WDFY3: variants seen among roughly 807,000 people sequenced by gnomAD.
The protein encoded by WDFY3 is WD repeat and FYVE domain-containing protein 3.
In WDFY3, 66 loss-of-function variants were observed where a neutral mutation model predicts 409.6. The ratio of observed to expected loss-of-function variants is 0.16; its 90% confidence interval spans 0.13 to 0.20. The LOEUF (loss-of-function observed/expected upper bound fraction) is 0.20. WDFY3 is among the 10% of genes least tolerant of loss of function. WDFY3 has a pLI of 1.00. For missense variants in WDFY3, 3,031 were observed against 4,298.1 expected, an observed-to-expected ratio of 0.71 and a Z score of 8.24; for synonymous variants, 1,521 against 1,537.1, an observed-to-expected ratio of 0.99 and a Z score of 0.25.
At position 84,717,828 on chromosome 4, in the gene WDFY3, C is replaced by T. The variant is rs570675055; in HGVS notation, c.7754+594G>A. Among the ~76,000 whole-genome samples, 22 of 152,126 alleles carry T rather than the reference C, an allele frequency of 1.4e-4. No individual in the cohort carries two copies. The East Asian group carries it at 3.7e-3, about 25-fold the overall frequency. ...CTTTGGGAGGCCGAGGCGGGCGGAT[C>T]ACAAGGTCAGGAGATTGAGACCATC... On this transcript the variant is annotated intron_variant, in intron 48 of 67. Coordinates refer to ENST00000295888, the MANE Select transcript of WDFY3 (RefSeq NM_014991.6).
chr4:84,855,541 TTA>T (rs1759642985), intron 4 of WDFY3, among the ~76,000 whole-genome samples: 1 of 152,180 alleles, frequency 6.6e-6, no homozygotes, highest in Non-Finnish European at 1.5e-5. Flanking sequence ...TATAAACTTG[TTA>T]CTGAATAGTG....
At chr4:84,893,000 C>A (rs1443358951) in intron 3 of WDFY3, among the ~76,000 whole-genome samples, 3 of 152,098 alleles carry the variant, frequency 2.0e-5, no homozygotes, top group African/African-American at 4.8e-5. Flanking sequence ...CAAGTAAAAC[C>A]AAATGGCTTG....
At chr4:84,936,059 A>G (rs1376890038) in intron 1 of WDFY3, among the ~76,000 whole-genome samples, 3 of 152,322 alleles carry the variant, frequency 2.0e-5, no homozygotes, top group East Asian at 1.9e-4. Flanking sequence ...GTATATGCAC[A>G]TATGTATAAA....
At chr4:84,875,975 A>T (rs1762729447) in intron 3 of WDFY3, among the ~76,000 whole-genome samples, 1 of 152,246 alleles carries the variant, frequency 6.6e-6, no homozygotes, top group Non-Finnish European at 1.5e-5. Context: ...TAAAATAAAG[A>T]TTAAAAGTAT....
At chr4:84,726,969 A>G (rs1397568242) in intron 44 of WDFY3, 58 bp from the exon 45 acceptor site, 3 of 1,494,620 alleles carry the variant, frequency 2.0e-6, no homozygotes. Context: ...AGAGGAACAC[A>G]AAAATAAAAT....
chr4:84,959,427 T>C (rs1456023822), intron 1 of WDFY3, among the ~76,000 whole-genome samples: 1 of 152,154 alleles, frequency 6.6e-6, no homozygotes, highest in Non-Finnish European at 1.5e-5. Flanking sequence ...AAGTAGAATA[T>C]TTAAAAGACC....
chr4:84,867,129 T>G (rs1052331147), intron 3 of WDFY3, among the ~76,000 whole-genome samples: 5 of 152,198 alleles, frequency 3.3e-5, no homozygotes, highest in African/African-American at 9.6e-5. Flanking sequence ...TTCTGTAACA[T>G]GCCAAGCACA....
intron 2 of WDFY3, among the ~76,000 whole-genome samples, chr4:84,931,862 T>C (rs980493595): frequency 1.3e-5 from 2 of 152,126 alleles, no homozygotes; most frequent in Non-Finnish European, 2.9e-5. Flanking sequence ...AGTTTAATCC[T>C]TAAACTAGTC....
intron 17 of WDFY3, among the ~76,000 whole-genome samples, chr4:84,798,463 T>C (rs1490669917): frequency 6.6e-6 from 1 of 152,194 alleles, no homozygotes; most frequent in Non-Finnish European, 1.5e-5. Flanking sequence ...CTAATCACCA[T>C]ATAGCTATAT....
At chr4:84,850,296 C>T (rs1758707756) in intron 4 of WDFY3, among the ~76,000 whole-genome samples, 1 of 151,036 alleles carries the variant, frequency 6.6e-6, no homozygotes, top group Non-Finnish European at 1.5e-5. Flanking sequence ...ATCAATCTCA[C>T]GAAAAACATT....
chr4:84,751,469 T>C lies in WDFY3; in HGVS notation c.5973+14A>G. On this transcript the variant is annotated intron_variant, in intron 36 of 67. Transcript: ENST00000295888. ...TAATGCAAAAGAGATGTAAATGCGTTTCTTTTTCTTTACCTCCAACAAAAG... is the reference window on the plus strand; with the variant it reads ...TAATGCAAAAGAGATGTAAATGCGTCTCTTTTTCTTTACCTCCAACAAAAG... 6.2e-7 allele frequency: 1 copy of C among 1,612,546 alleles called. No individual in the cohort carries two copies. Among genetic ancestry groups the C allele is most frequent in the Non-Finnish European group, 8.5e-7 (1 of 1,178,586 alleles).
At chr4:84,744,847 C>T (rs929497303) in intron 36 of WDFY3, among the ~76,000 whole-genome samples, 7 of 106,524 alleles carry the variant, frequency 6.6e-5, no homozygotes, top group Admixed American at 1.2e-4. Context: ...AGCGAGACTC[C>T]GTCTCAAAAA....
intron 1 of WDFY3, among the ~76,000 whole-genome samples, chr4:84,945,525 T>C (rs970668042): frequency 7.2e-5 from 11 of 152,210 alleles, no homozygotes; most frequent in African/African-American, 2.4e-4. Context: ...GGGACCTCAC[T>C]AGTCTTATCA....
At chr4:84,735,181 TTACCC>T in intron 42 of WDFY3, 61 bp from the exon 43 acceptor site, 2 of 1,459,092 alleles carry the variant, frequency 1.4e-6, no homozygotes, top group Non-Finnish European at 1.9e-6. Flanking sequence ...AAATAGTTAA[TTACCC>T]TTGAAATTAA....
intron 32 of WDFY3, among the ~76,000 whole-genome samples, chr4:84,765,277 G>GA (rs2149386907): frequency 6.6e-6 from 1 of 152,268 alleles, no homozygotes; most frequent in South Asian, 2.1e-4. Context: ...GTTATAGGCT[G>GA]AAAATAGCTA....
chr4:84,841,190 A>G lies in WDFY3; in HGVS notation c.378T>C (p.Leu126=). 6.2e-7 allele frequency: 1 copy of G among 1,612,062 alleles called. No individual in the cohort carries two copies. Among genetic ancestry groups the G allele is most frequent in the Non-Finnish European group, 8.5e-7 (1 of 1,179,670 alleles). The stretch of plus-strand genomic sequence containing the variant: ...AAGCTAACAAATTAATTGTCGTTAG[A>G]AGCATCCAGCCTCTACTGGCTTCTT... ...QSEEASRGWM[L]LTTINLLASS... is the part of the protein sequence containing the mutation. The change falls in exon 6 of 68, where the codon CTT becomes CTC. Residue 126 remains leucine (L), a synonymous_variant. Coordinates refer to ENST00000295888, the MANE Select transcript of WDFY3 (RefSeq NM_014991.6).
intron 3 of WDFY3, among the ~76,000 whole-genome samples, chr4:84,886,693 T>A (rs535312937): frequency 4.9e-4 from 75 of 152,230 alleles, no homozygotes; most frequent in African/African-American, 1.7e-3. Context: ...GAACTGGTTT[T>A]TCAATAGGTA....
At chr4:84,875,171 G>A (rs1451553502) in intron 3 of WDFY3, among the ~76,000 whole-genome samples, 2 of 151,904 alleles carry the variant, frequency 1.3e-5, no homozygotes, top group African/African-American at 2.4e-5. Context: ...AGGGGGCTGA[G>A]GCAGGAGAAT....
At chr4:84,796,115 A>T (rs2149589507) in intron 19 of WDFY3, among the ~76,000 whole-genome samples, 1 of 152,088 alleles carries the variant, frequency 6.6e-6, no homozygotes, top group Non-Finnish European at 1.5e-5. Context: ...GCCAAATCAT[A>T]AATATTTAAT....
Sources: allele counts gnomAD v4.1 joint callset (sites outside exome capture counted in the v4.1 genomes callset), GRCh38; gene constraint gnomAD v4.1.1; transcripts MANE v1.5; gene names NCBI Gene and HGNC (gene_info 2026-07-23, HGNC 2026-07-21).